Variants in ASTN1 observed in about 807,000 individuals in gnomAD.
ASTN1 encodes the protein astrotactin-1.
ASTN1 carries 41 observed loss-of-function variants against 140.7 expected under a neutral mutation model. The ratio of observed to expected loss-of-function variants is 0.29; its 90% CI spans 0.23 to 0.38. The LOEUF (loss-of-function observed/expected upper bound fraction) is 0.38. Ranked by LOEUF, ASTN1 falls within the 10% of genes least tolerant of loss-of-function variation. The pLI is 1.00. For missense variants in ASTN1, 1,479 were observed against 1,678.8 expected (o/e 0.88, Z 2.08); for synonymous variants, 640 against 652.2 (o/e 0.98, Z 0.29).
At chr1:177,154,232 A>G (rs1558134752) in intron 1 of ASTN1, among the ~76,000 whole-genome samples, 2 of 152,178 alleles carry the variant, frequency 1.3e-5, no homozygotes, top group Admixed American at 1.3e-4. Context: ...CCATCATGGA[A>G]TGTTCTGCAA....
chr1:177,038,688 T>A (rs1176812528), intron 2 of ASTN1, among the ~76,000 whole-genome samples: 1 of 152,236 alleles, frequency 6.6e-6, no homozygotes, highest in Non-Finnish European at 1.5e-5. Flanking sequence ...CACTTACTGA[T>A]ACCTACTTTA....
chr1:176,912,110 G>C (rs1031707884), intron 16 of ASTN1, among the ~76,000 whole-genome samples: 1 of 152,174 alleles, frequency 6.6e-6, no homozygotes, highest in Non-Finnish European at 1.5e-5. Context: ...ATCAGGAGAC[G>C]TATGCAAGGG....
chr1:176,976,076 T>C (rs1450209913), intron 8 of ASTN1: 1 of 152,212 alleles, frequency 6.6e-6, no homozygotes, highest in Admixed American at 6.5e-5. Flanking sequence ...CCTTTATTGA[T>C]GAATTAAGAT....
At chr1:176,943,606 A>T (rs989774828) in intron 14 of ASTN1, among the ~76,000 whole-genome samples, 4 of 152,128 alleles carry the variant, frequency 2.6e-5, no homozygotes, top group Non-Finnish European at 5.9e-5. Flanking sequence ...CTAATCCCCC[A>T]AGAACTCTAA....
chr1:176,904,489 G>T lies in ASTN1; in HGVS notation c.2672-9659C>A, dbSNP rs530058263. Among the ~76,000 whole-genome samples the T allele has an allele frequency of 1.8e-4, 27 of 151,556 alleles. No individual in the cohort carries two copies. The East Asian group carries it at 2.9e-3, about 16-fold the overall frequency. On this transcript the variant is annotated intron_variant, in intron 16 of 22. Transcript: ENST00000361833. Reference sequence around the variant, plus strand: ...GGGAGAGGGAGTGCGGGGAGAGGACGACACTGAGAGAGAGGCGAAAATGAG... The same window carrying T: ...GGGAGAGGGAGTGCGGGGAGAGGACTACACTGAGAGAGAGGCGAAAATGAG...
chr1:177,108,040 C>G (rs2102146864), intron 1 of ASTN1, among the ~76,000 whole-genome samples: 1 of 152,134 alleles, frequency 6.6e-6, no homozygotes, highest in Non-Finnish European at 1.5e-5. Flanking sequence ...TATGCTCACC[C>G]TTCATCTGTT....
At chr1:176,887,843 C>T (rs1669101349) in intron 18 of ASTN1, among the ~76,000 whole-genome samples, 1 of 152,158 alleles carries the variant, frequency 6.6e-6, no homozygotes, top group Admixed American at 6.5e-5. Context: ...TCAGACTTGA[C>T]CATTCCCTCT....
Position 176,861,217 on chromosome 1 carries a change from A to T in ASTN1, c.*3067T>A. ...GCAGTAGTAAAGTGTTTTTCTTCAT[A>T]CTCAGTTTTTTTAATAGAACATTTG... On this transcript the variant is annotated 3_prime_UTR_variant, in exon 23 of 23. Coordinates refer to ENST00000361833, the MANE Select transcript of ASTN1 (RefSeq NM_004319.3). 2.2e-5 allele frequency: 22 copies of T among 978,478 alleles called. No homozygotes were observed. The highest frequency in any genetic ancestry group is 2.7e-5 in the Non-Finnish European group (22 of 823,418). The allele number at this position is 978,478 out of a possible 1,614,324, so 60.6% of individuals were successfully genotyped here.
chr1:176,884,835 T>C (rs932560855), intron 18 of ASTN1, among the ~76,000 whole-genome samples: 2 of 152,188 alleles, frequency 1.3e-5, no homozygotes, highest in Non-Finnish European at 2.9e-5. Context: ...TATCATAATT[T>C]CTAGATTTTC....
chr1:177,055,015 C>A (rs766719245), intron 2 of ASTN1, among the ~76,000 whole-genome samples: 24 of 152,144 alleles, frequency 1.6e-4, no homozygotes, highest in Non-Finnish European at 2.2e-4. Context: ...TCTTTTATCT[C>A]TATATAAATT....
intron 1 of ASTN1, among the ~76,000 whole-genome samples, chr1:177,109,374 G>C (rs1196157850): frequency 6.6e-6 from 1 of 152,014 alleles, no homozygotes; most frequent in Non-Finnish European, 1.5e-5. Context: ...TGTTTGAGAT[G>C]CACCTGATGA....
chr1:177,129,261 T>C (rs1681824258), intron 1 of ASTN1, among the ~76,000 whole-genome samples: 1 of 152,184 alleles, frequency 6.6e-6, no homozygotes, highest in South Asian at 2.1e-4. Context: ...CAAGTTGGCA[T>C]GAATTCCAGG....
intron 8 of ASTN1, among the ~76,000 whole-genome samples, chr1:176,997,791 A>G (rs994778594): frequency 3.3e-5 from 5 of 152,190 alleles, no homozygotes; most frequent in African/African-American, 1.2e-4. Context: ...GGCCTGAGGC[A>G]TCCCAAAGGA....
At chr1:177,050,501 C>T (rs924338866) in intron 2 of ASTN1, among the ~76,000 whole-genome samples, 2 of 152,144 alleles carry the variant, frequency 1.3e-5, no homozygotes, top group African/African-American at 4.8e-5. Context: ...ACATCAGCAG[C>T]AGTGATAGAG....
chr1:176,866,545 A>G (rs1668131857), intron 22 of ASTN1, among the ~76,000 whole-genome samples: 1 of 152,190 alleles, frequency 6.6e-6, no homozygotes, highest in South Asian at 2.1e-4. Context: ...GGGAGGGACA[A>G]CATCAGCATC....
chr1:177,126,395 G>T (rs770459817), intron 1 of ASTN1, among the ~76,000 whole-genome samples: 1 of 152,138 alleles, frequency 6.6e-6, no homozygotes, highest in Non-Finnish European at 1.5e-5. Flanking sequence ...TGTACCCCTT[G>T]TGTCTTAGCA....
chr1:177,029,554 AACCCAAC>A, intron 5 of ASTN1, 73 bp downstream of exon 5: 1 of 1,442,624 alleles, frequency 6.9e-7, no homozygotes, highest in Admixed American at 1.8e-5. Flanking sequence ...CCCACAACCC[AACCCAAC>A]ACCTCTTCGC....
intron 8 of ASTN1, among the ~76,000 whole-genome samples, chr1:176,998,466 T>A (rs1400002273): frequency 6.6e-6 from 1 of 151,700 alleles, no homozygotes. Flanking sequence ...AACAAGTTCA[T>A]TCCCCTGGGG....
intron 7 of ASTN1, among the ~76,000 whole-genome samples, chr1:177,015,561 A>T (rs1675503990): frequency 6.6e-6 from 1 of 152,216 alleles, no homozygotes; most frequent in Non-Finnish European, 1.5e-5. Context: ...GGAGTGGGTC[A>T]CCAGAAGAAT....
Sources: allele counts gnomAD v4.1 joint callset (sites outside exome capture counted in the v4.1 genomes callset), GRCh38; gene constraint gnomAD v4.1.1; transcripts MANE v1.5; gene names NCBI Gene and HGNC (gene_info 2026-07-23, HGNC 2026-07-21).